RALYL: variants seen among roughly 807,000 people sequenced by gnomAD.
The protein encoded by RALYL is RNA-binding Raly-like protein.
A neutral mutation model predicts 35.1 loss-of-function variants in RALYL; 29 were observed. The observed-to-expected ratio is 0.83, with a 90% CI of 0.61 to 1.13. The LOEUF (loss-of-function observed/expected upper bound fraction) is 1.13, where lower values mean the gene tolerates loss of function less well. Among genes scored for constraint, RALYL ranks in the 50% most tolerant of loss-of-function variants. The pLI is 0.00. For missense variants in RALYL, 359 were observed against 360.4 expected (o/e 1.00, Z 0.03); for synonymous variants, 120 against 127.6 (o/e 0.94, Z 0.40).
intron 1 of RALYL, among the ~76,000 whole-genome samples, chr8:84,482,418 A>G (rs905755009): frequency 6.6e-6 from 1 of 152,084 alleles, no homozygotes; most frequent in Non-Finnish European, 1.5e-5. Context: ...ATTTATGCTT[A>G]AATAATAGCT....
At chr8:84,228,463 T>A (rs988880498) in intron 1 of RALYL, among the ~76,000 whole-genome samples, 3 of 152,132 alleles carry the variant, frequency 2.0e-5, no homozygotes, top group South Asian at 4.1e-4. Flanking sequence ...TATCAACTGA[T>A]AAAAATCCTG....
At chr8:84,623,007 A>T (rs1415413358) in intron 2 of RALYL, among the ~76,000 whole-genome samples, 4 of 152,184 alleles carry the variant, frequency 2.6e-5, no homozygotes, top group Admixed American at 1.3e-4. Context: ...TGCACACCAT[A>T]CTGCTTAAAA....
At chr8:84,335,756 G>A (rs1205243788) in intron 1 of RALYL, among the ~76,000 whole-genome samples, 5 of 73,284 alleles carry the variant, frequency 6.8e-5, no homozygotes, top group Non-Finnish European at 7.4e-5. Flanking sequence ...CAAATCATTT[G>A]CTCATCTTAC....
At chr8:84,297,705 A>T (rs1840026260) in intron 1 of RALYL, among the ~76,000 whole-genome samples, 1 of 152,142 alleles carries the variant, frequency 6.6e-6, no homozygotes, top group South Asian at 2.1e-4. Flanking sequence ...CAGCCTTGCC[A>T]GCATCTTTTG....
At chr8:84,754,489 G>T (rs1473391318) in intron 2 of RALYL, among the ~76,000 whole-genome samples, 1 of 152,050 alleles carries the variant, frequency 6.6e-6, no homozygotes, top group Admixed American at 6.6e-5. Context: ...ACTTCTCCAG[G>T]TAGCATCAGA....
intron 1 of RALYL, among the ~76,000 whole-genome samples, chr8:84,314,361 G>A (rs187851541): frequency 2.0e-5 from 3 of 151,930 alleles, no homozygotes; most frequent in Admixed American, 2.0e-4. Flanking sequence ...TAAGCCCTCA[G>A]TATTTTAAAT....
At chr8:84,406,914 C>T (rs1209940481) in intron 1 of RALYL, among the ~76,000 whole-genome samples, 1 of 151,718 alleles carries the variant, frequency 6.6e-6, no homozygotes, top group African/African-American at 2.4e-5. Context: ...TTTTAATGGA[C>T]CTTGAAGCAT....
intron 1 of RALYL, among the ~76,000 whole-genome samples, chr8:84,270,553 CGTGTGT>C (rs34047869): frequency 7.0e-4 from 103 of 147,356 alleles, no homozygotes; most frequent in African/African-American, 2.4e-3. Context: ...ACATGAAATT[CGTGTGT>C]GTGTGTGTGT....
chr8:84,480,259 A>G (rs528737213), intron 1 of RALYL, among the ~76,000 whole-genome samples: 9 of 152,174 alleles, frequency 5.9e-5, no homozygotes, highest in Non-Finnish European at 1.0e-4. Flanking sequence ...TGAAATACAA[A>G]GAGTGCACTT....
Position 84,920,931 on chromosome 8 carries a change from C to T in RALYL, c.*20C>T, listed in dbSNP as rs1442498131. 2 of 1,432,562 alleles carry T rather than the reference C, an allele frequency of 1.4e-6. No individual in the cohort carries two copies. Among genetic ancestry groups the T allele is most frequent in the South Asian group, 1.4e-5 (1 of 69,648 alleles). 88.7% of individuals were successfully genotyped at this position (1,432,562 alleles called of 1,614,324 possible). A position where few individuals can be genotyped will look rare whatever the true frequency, so the allele number is the denominator to read the frequency against. ...AAGTGATCTGAAATAACGCATGATG[C>T]CACAAAGCAGAAAAGAGAAACTGTG... On this transcript the variant is annotated 3_prime_UTR_variant, in exon 9 of 9. Coordinates refer to ENST00000521268, the MANE Select transcript of RALYL (RefSeq NM_173848.7).
intron 7 of RALYL, among the ~76,000 whole-genome samples, chr8:84,879,366 GA>G (rs1486227512): frequency 6.6e-6 from 1 of 152,022 alleles, no homozygotes; most frequent in East Asian, 1.9e-4. Flanking sequence ...TATTCTTCAG[GA>G]AAGAAAAAGT....
chr8:84,469,314 G>A (rs1408167451), intron 1 of RALYL, among the ~76,000 whole-genome samples: 2 of 152,032 alleles, frequency 1.3e-5, no homozygotes, highest in Non-Finnish European at 2.9e-5. Context: ...TGTACAGATG[G>A]GTTTTTGGTG....
chr8:84,604,282 T>G (rs1192939869), intron 2 of RALYL, among the ~76,000 whole-genome samples: 2 of 152,168 alleles, frequency 1.3e-5, no homozygotes, highest in African/African-American at 2.4e-5. Context: ...AAGTAACATG[T>G]GGCTTATTGT....
chr8:84,651,753 A>C (rs765093312), intron 2 of RALYL, among the ~76,000 whole-genome samples: 1 of 151,780 alleles, frequency 6.6e-6, no homozygotes, highest in African/African-American at 2.4e-5. Flanking sequence ...AAAGTTGAGG[A>C]AATAAAGATA....
intron 8 of RALYL, among the ~76,000 whole-genome samples, chr8:84,916,632 C>T (rs963771477): frequency 6.6e-6 from 1 of 151,992 alleles, no homozygotes. Context: ...TCCCCAGCCA[C>T]GTGGAACTGT....
intron 2 of RALYL, among the ~76,000 whole-genome samples, chr8:84,659,162 C>T (rs1233481427): frequency 6.6e-6 from 1 of 152,062 alleles, no homozygotes; most frequent in Non-Finnish European, 1.5e-5. Context: ...AGGAAACAGA[C>T]ACTGAGATGG....
chr8:84,353,046 C>A (rs1563777135), intron 1 of RALYL, among the ~76,000 whole-genome samples: 1 of 150,242 alleles, frequency 6.7e-6, no homozygotes, highest in Non-Finnish European at 1.5e-5. Flanking sequence ...AGTGCCCATG[C>A]TACCATGCTG....
chr8:84,623,333 A>G (rs1821988348), intron 2 of RALYL, among the ~76,000 whole-genome samples: 1 of 152,210 alleles, frequency 6.6e-6, no homozygotes, highest in Non-Finnish European at 1.5e-5. Flanking sequence ...AGTTCACCGC[A>G]TAAAATAATC....
chr8:84,262,657 G>T (rs1009792931), intron 1 of RALYL, among the ~76,000 whole-genome samples: 2 of 152,010 alleles, frequency 1.3e-5, no homozygotes, highest in African/African-American at 4.8e-5. Context: ...ACATTCTTAG[G>T]TGAATTATAT....
Sources: gnomAD v4.1 joint callset for allele counts (sites outside exome capture counted in the v4.1 genomes callset) on GRCh38, gnomAD v4.1.1 for gene constraint, MANE v1.5 for transcripts, NCBI Gene and HGNC (gene_info 2026-07-23, HGNC 2026-07-21) for gene names.